DLG2: variants seen among roughly 807,000 people sequenced by gnomAD.
The protein encoded by DLG2 is discs large MAGUK scaffold protein 2.
In DLG2, 45 loss-of-function variants were observed where a neutral mutation model predicts 132.5. The observed-to-expected ratio is 0.34, with a 90% CI of 0.27 to 0.44. The LOEUF (loss-of-function observed/expected upper bound fraction) is 0.44. Among genes scored for constraint, DLG2 ranks in the 20% least tolerant of loss-of-function variants. The probability of loss-of-function intolerance (pLI) is 1.00; values close to 1 mark genes in which losing one functional copy is unlikely to be tolerated. For missense variants in DLG2, 1,045 were observed against 1,196.9 expected (o/e 0.87, Z 1.87); for synonymous variants, 424 against 419.6 (o/e 1.01, Z -0.13).
chr11:84,732,610 T>C (rs1283838909), intron 6 of DLG2, among the ~76,000 whole-genome samples: 3 of 151,724 alleles, frequency 2.0e-5, no homozygotes, highest in Non-Finnish European at 4.4e-5. Context: ...ATTGTTAGTT[T>C]CTTCTTAAGT....
At chr11:84,847,133 A>G (rs752297080) in intron 6 of DLG2, among the ~76,000 whole-genome samples, 1 of 152,206 alleles carries the variant, frequency 6.6e-6, no homozygotes, top group Non-Finnish European at 1.5e-5. Context: ...TAATCAAAAC[A>G]GAAATTGATA....
intron 6 of DLG2, among the ~76,000 whole-genome samples, chr11:84,686,523 C>T (rs2099738282): frequency 6.6e-6 from 1 of 151,998 alleles, no homozygotes; most frequent in African/African-American, 2.4e-5. Flanking sequence ...TGGTTCTCTC[C>T]AATCCCTAAA....
intron 6 of DLG2, among the ~76,000 whole-genome samples, chr11:84,996,244 A>T (rs1224006100): frequency 3.9e-5 from 6 of 152,050 alleles, no homozygotes; most frequent in African/African-American, 1.4e-4. Flanking sequence ...CAAAGATTAA[A>T]TCATATATTT....
At chr11:83,946,960 T>C (rs1403569491) in intron 14 of DLG2, among the ~76,000 whole-genome samples, 3 of 152,182 alleles carry the variant, frequency 2.0e-5, no homozygotes, top group African/African-American at 4.8e-5. Flanking sequence ...TTAGAGCTAC[T>C]CTCAATATTA....
intron 10 of DLG2, among the ~76,000 whole-genome samples, chr11:84,095,184 C>T (rs1345464033): frequency 1.3e-5 from 2 of 151,790 alleles, no homozygotes; most frequent in East Asian, 3.9e-4. Context: ...AGAAAAGGAA[C>T]AGAGGCAAGA....
intron 19 of DLG2, among the ~76,000 whole-genome samples, chr11:83,603,524 G>C (rs2058884508): frequency 6.6e-6 from 1 of 152,124 alleles, no homozygotes; most frequent in Non-Finnish European, 1.5e-5. Context: ...CATGCTTAAA[G>C]AAAGGAGTCG....
At chr11:84,157,165 A>G (rs2095444698) in intron 9 of DLG2, among the ~76,000 whole-genome samples, 1 of 152,100 alleles carries the variant, frequency 6.6e-6, no homozygotes, top group Non-Finnish European at 1.5e-5. Context: ...GTTTAATTAA[A>G]TAATTTTGGT....
At chr11:85,165,561 A>T (rs1238838839) in intron 4 of DLG2, among the ~76,000 whole-genome samples, 1 of 152,252 alleles carries the variant, frequency 6.6e-6, no homozygotes, top group East Asian at 1.9e-4. Flanking sequence ...TCTGCTTTTT[A>T]TTCCTTAGTT....
At chr11:84,258,520 G>A (rs1238157818) in intron 7 of DLG2, among the ~76,000 whole-genome samples, 4 of 152,060 alleles carry the variant, frequency 2.6e-5, no homozygotes, top group Non-Finnish European at 5.9e-5. Context: ...TAAGATATAT[G>A]AATGCATTTA....
chr11:84,301,303 G>C (rs2098148739), intron 7 of DLG2, among the ~76,000 whole-genome samples: 1 of 152,118 alleles, frequency 6.6e-6, no homozygotes, highest in African/African-American at 2.4e-5. Context: ...GGTCATTAGA[G>C]AAGTGCAAAT....
At chr11:84,773,372 C>T (rs749225774) in intron 6 of DLG2, among the ~76,000 whole-genome samples, 7 of 152,114 alleles carry the variant, frequency 4.6e-5, no homozygotes, top group South Asian at 2.1e-4. Flanking sequence ...CACAATTCTA[C>T]TGGAATTATT....
chr11:84,848,172 T>G (rs2081731952), intron 6 of DLG2, among the ~76,000 whole-genome samples: 1 of 152,112 alleles, frequency 6.6e-6, no homozygotes, highest in Non-Finnish European at 1.5e-5. Context: ...GTTGGTAACA[T>G]GTGCCAACCT....
intron 21 of DLG2, among the ~76,000 whole-genome samples, chr11:83,516,445 T>C (rs2095296652): frequency 6.6e-6 from 1 of 152,224 alleles, no homozygotes; most frequent in Non-Finnish European, 1.5e-5. Flanking sequence ...GTTTCCTGAA[T>C]ACAGCACACT....
At chr11:85,129,350 T>C (rs539240176) in intron 5 of DLG2, among the ~76,000 whole-genome samples, 1 of 152,326 alleles carries the variant, frequency 6.6e-6, no homozygotes, top group South Asian at 2.1e-4. Context: ...CTGGAGCTCT[T>C]AAGACTTTAA....
At chr11:85,242,340 T>G (rs902487091) in intron 4 of DLG2, among the ~76,000 whole-genome samples, 1 of 151,990 alleles carries the variant, frequency 6.6e-6, no homozygotes, top group Non-Finnish European at 1.5e-5. Flanking sequence ...GTTTTCTATA[T>G]GTTTAATGTT....
At chr11:83,539,489 TGTAA>T (rs1399446092) in intron 20 of DLG2, among the ~76,000 whole-genome samples, 1 of 152,140 alleles carries the variant, frequency 6.6e-6, no homozygotes, top group Admixed American at 6.5e-5. Context: ...GGGGTAGAAT[TGTAA>T]GTGATTTTTA....
At chr11:84,724,009 G>A (rs1020478182) in intron 6 of DLG2, among the ~76,000 whole-genome samples, 2 of 152,104 alleles carry the variant, frequency 1.3e-5, no homozygotes, top group East Asian at 1.9e-4. Context: ...CACAGTAAGA[G>A]GCATTAGCTA....
At chr11:83,884,545 AC>A (rs1408318091) in intron 15 of DLG2, among the ~76,000 whole-genome samples, 2 of 152,198 alleles carry the variant, frequency 1.3e-5, no homozygotes, top group East Asian at 3.9e-4. Context: ...GACAGCAGTA[AC>A]CTTTGCAGAC....
intron 7 of DLG2, among the ~76,000 whole-genome samples, chr11:84,294,293 C>T (rs939899221): frequency 1.3e-4 from 20 of 151,944 alleles, no homozygotes; most frequent in African/African-American, 4.4e-4. Context: ...GGAAATTGAG[C>T]TAGCTTTTTA....
Sources: gnomAD v4.1 joint callset for allele counts (sites outside exome capture counted in the v4.1 genomes callset) on GRCh38, gnomAD v4.1.1 for gene constraint, MANE v1.5 for transcripts, NCBI Gene and HGNC (gene_info 2026-07-23, HGNC 2026-07-21) for gene names.